Variants in STARD6 observed in about 807,000 individuals in gnomAD.
The protein encoded by STARD6 is StAR related lipid transfer domain containing 6, also known as stAR-related lipid transfer protein 6.
In STARD6, 21 loss-of-function variants were observed where a neutral mutation model predicts 22.3. The observed-to-expected ratio is 0.94, with a 90% confidence interval of 0.67 to 1.35. STARD6 has a LOEUF of 1.35. STARD6 is among the 40% of genes most tolerant of loss of function. STARD6 has a pLI of 0.00. For missense variants in STARD6, 269 were observed against 266.9 expected, an observed-to-expected ratio of 1.01 and a Z score of -0.05; for synonymous variants, 80 against 88.1, an observed-to-expected ratio of 0.91 and a Z score of 0.52.
At position 54,324,629 on chromosome 18, in the gene STARD6, G is replaced by A; in HGVS notation, c.*63C>T. The A allele has an allele frequency of 6.6e-7, 1 of 1,519,530 alleles. No individual in the cohort carries two copies. 94.1% of individuals were successfully genotyped at this position (1,519,530 alleles called of 1,614,324 possible). On this transcript the variant is annotated 3_prime_UTR_variant, in exon 8 of 8. Coordinates refer to ENST00000307844, the MANE Select transcript of STARD6 (RefSeq NM_139171.2). ...ATTATTTATGTGCGTTGACTTAGAA[G>A]TAAACAGCAATAACTACTACACATG...
chr18:54,326,958 G>T (rs1360295042), intron 7 of STARD6, among the ~76,000 whole-genome samples: 1 of 152,102 alleles, frequency 6.6e-6, no homozygotes, highest in Non-Finnish European at 1.5e-5. Context: ...TAAAAGCGTG[G>T]ACTCAGGAAC....
rs2088807148 is a variant in STARD6, at chr18:54,324,644, T to C, written c.*48A>G. The C allele has an allele frequency of 6.3e-7, 1 of 1,575,738 alleles. No individual in the cohort carries two copies. The highest frequency in any genetic ancestry group is 1.1e-5 in the South Asian group (1 of 88,752). ...TGACTTAGAAGTAAACAGCAATAAC[T>C]ACTACACATGATTTTATAGCAGAAC... is the stretch of plus-strand genomic sequence containing the variant. On this transcript the variant is annotated 3_prime_UTR_variant, in exon 8 of 8. Coordinates refer to ENST00000307844, the MANE Select transcript of STARD6 (RefSeq NM_139171.2).
At chr18:54,342,419 C>T (rs115619750) in intron 4 of STARD6, among the ~76,000 whole-genome samples, 1,656 of 105,108 alleles carry the variant, frequency 0.016, 112 homozygotes, top group African/African-American at 0.042. Flanking sequence ...AGAAAATGCT[C>T]TCCGTCTCCC....
chr18:54,340,882 G>A (rs2088962843), intron 4 of STARD6, among the ~76,000 whole-genome samples: 1 of 152,172 alleles, frequency 6.6e-6, no homozygotes, highest in South Asian at 2.1e-4. Flanking sequence ...ACTATTAGCA[G>A]AGATAAAGAG....
At chr18:54,331,004 A>C (rs1004385286) in intron 6 of STARD6, among the ~76,000 whole-genome samples, 3 of 152,134 alleles carry the variant, frequency 2.0e-5, no homozygotes, top group Admixed American at 2.0e-4. Flanking sequence ...AATGTAGAGT[A>C]CTAAAGATAT....
chr18:54,354,498 C>G lies in STARD6; in HGVS notation c.76G>C (p.Val26Leu). 1.2e-6 allele frequency: 2 copies of G among 1,612,860 alleles called. No homozygotes were observed. The highest frequency in any genetic ancestry group is 1.1e-5 in the South Asian group (1 of 90,594). Residue 26 changes from valine (V) to leucine (L), a missense_variant, in exon 3 of 8, where the codon GTG (valine) becomes CTG (leucine). Val to Leu is a conservative substitution (Grantham distance 32). Coordinates refer to ENST00000307844, the MANE Select transcript of STARD6 (RefSeq NM_139171.2). ...TATTTTCTTACTGAAGTTTTAACCA[C>G]TTTCCAGCCTGATGTATCTCGATTA... ...GYNRDTSGWK[V>L]VKTSKKITVS...
At chr18:54,332,377 G>T (rs1007106340) in intron 5 of STARD6, among the ~76,000 whole-genome samples, 1 of 152,188 alleles carries the variant, frequency 6.6e-6, no homozygotes, top group Admixed American at 6.5e-5. Context: ...CTGCAGATAA[G>T]ATCCCCTAGC....
At chr18:54,337,356 A>G (rs1599300981) in intron 4 of STARD6, 105 bp from the exon 5 acceptor site, 1 of 1,063,280 alleles carries the variant, frequency 9.4e-7, no homozygotes, top group Non-Finnish European at 1.3e-6. Context: ...GCAAACAGCA[A>G]TGAAGAAAAC....
intron 6 of STARD6, among the ~76,000 whole-genome samples, chr18:54,330,193 C>G (rs1437100669): frequency 1.3e-5 from 2 of 151,972 alleles, no homozygotes; most frequent in Non-Finnish European, 2.9e-5. Flanking sequence ...TAAAGCAAAT[C>G]AATTCCATGG....
intron 3 of STARD6, 94 bp downstream of exon 3, chr18:54,354,390 G>T: frequency 8.7e-7 from 1 of 1,154,850 alleles, no homozygotes; most frequent in Non-Finnish European, 1.2e-6. Context: ...CACTGCACCT[G>T]GAACAGAAAA....
chr18:54,344,786 C>G (rs983520325), intron 4 of STARD6, among the ~76,000 whole-genome samples: 1 of 151,932 alleles, frequency 6.6e-6, no homozygotes, highest in African/African-American at 2.4e-5. Flanking sequence ...TTTTAATAGA[C>G]TAAACAACAA....
At chr18:54,352,451 T>C (rs2089106770) in intron 4 of STARD6, among the ~76,000 whole-genome samples, 1 of 152,174 alleles carries the variant, frequency 6.6e-6, no homozygotes, top group Non-Finnish European at 1.5e-5. Flanking sequence ...GTTTGGAGCA[T>C]AGCCTCCTTC....
intron 4 of STARD6, among the ~76,000 whole-genome samples, chr18:54,345,797 T>G (rs183104590): frequency 6.6e-6 from 1 of 152,148 alleles, no homozygotes; most frequent in Non-Finnish European, 1.5e-5. Flanking sequence ...GGTCAATTGA[T>G]TTTTGACAAA....
Position 54,329,429 on chromosome 18 carries a change from C to T in STARD6, c.397G>A (p.Asp133Asn), listed in dbSNP as rs867521359. 1 of 1,600,248 alleles carries T rather than the reference C, an allele frequency of 6.2e-7. No homozygotes were observed. Among genetic ancestry groups the T allele is most frequent in the Non-Finnish European group, 8.5e-7 (1 of 1,174,936 alleles). ...GAAGATGGAGGATATTCTGGAAAAT[C>T]CACACTTTTAGCTAAGAGATTTTAA... Reference protein sequence around the residue: ...NMNIISSKSVDFPEYPPSSNY... With the variant: ...NMNIISSKSVNFPEYPPSSNY... Residue 133 changes from aspartate (D) to asparagine (N), a missense_variant, in exon 7 of 8, where the codon GAT (aspartate) becomes AAT (asparagine). Coordinates refer to ENST00000307844, the MANE Select transcript of STARD6 (RefSeq NM_139171.2).
At chr18:54,354,679 T>C (rs2089128824) in intron 2 of STARD6, 102 bp from the exon 3 acceptor site, 2 of 775,714 alleles carry the variant, frequency 2.6e-6, no homozygotes, top group South Asian at 1.9e-5. Context: ...GCCTGTCACA[T>C]AGAAATGAAC....
Position 54,329,522 on chromosome 18 carries a change from T to C in STARD6, c.386-82A>G, listed in dbSNP as rs532662771. 1.5e-4 allele frequency: 171 copies of C among 1,156,222 alleles called. 1 individual carries two copies. In the African/African-American group the frequency reaches 2.5e-3, roughly 17 times the overall value. The allele number at this position is 1,156,222 out of a possible 1,614,324, so 71.6% of individuals were successfully genotyped here. On this transcript the variant is annotated intron_variant, in intron 6 of 7. Coordinates refer to ENST00000307844, the MANE Select transcript of STARD6 (RefSeq NM_139171.2). Reference sequence around the variant, plus strand: ...CCAGCAGCATATTTTTAGAAACATATAGCATTTAAGTTAGTTAATAGCATT... The same window carrying C: ...CCAGCAGCATATTTTTAGAAACATACAGCATTTAAGTTAGTTAATAGCATT...
At chr18:54,354,426 T>C (rs766780740) in intron 3 of STARD6, 58 bp downstream of exon 3, 1 of 1,430,628 alleles carries the variant, frequency 7.0e-7, no homozygotes, top group South Asian at 1.2e-5. Flanking sequence ...GTCTTTACAA[T>C]GAATTGTTTC....
intron 5 of STARD6, among the ~76,000 whole-genome samples, chr18:54,332,443 C>T (rs1052898175): frequency 2.0e-5 from 3 of 152,148 alleles, no homozygotes; most frequent in African/African-American, 4.8e-5. Context: ...CCCTGTTGAG[C>T]GGTTTCAGTT....
chr18:54,339,859 A>G (rs558353674), intron 4 of STARD6, among the ~76,000 whole-genome samples: 1 of 152,262 alleles, frequency 6.6e-6, no homozygotes, highest in South Asian at 2.1e-4. Context: ...CCTTTCTTCT[A>G]TTAACTGATT....
Sources: allele counts gnomAD v4.1 joint callset (sites outside exome capture counted in the v4.1 genomes callset), GRCh38; gene constraint gnomAD v4.1.1; transcripts MANE v1.5; gene names NCBI Gene and HGNC (gene_info 2026-07-23, HGNC 2026-07-21).